OAS2: variants seen among roughly 807,000 people sequenced by gnomAD.
The protein encoded by OAS2 is 2'-5'-oligoadenylate synthetase 2.
A neutral mutation model predicts 71.3 loss-of-function variants in OAS2; 67 were observed. That is an observed-to-expected ratio of 0.94 (90% CI 0.77 to 1.15). The LOEUF is 1.15. Ranked by LOEUF, OAS2 falls within the 50% of genes most tolerant of loss-of-function variation. OAS2 has a pLI of 0.00. For synonymous variants in OAS2, 327 were observed against 321.8 expected (o/e 1.02, Z -0.17); for missense variants, 789 against 822.5 (o/e 0.96, Z 0.50).
chr12:113,001,895 C>T (rs10850111), intron 5 of OAS2, among the ~76,000 whole-genome samples: 34,079 of 139,822 alleles, frequency 0.24, 4,828 homozygotes, highest in African/African-American at 0.38. Flanking sequence ...AAAAGCTAGG[C>T]GTGGTGGCAC....
At chr12:112,998,447 G>T in intron 5 of OAS2, 37 bp downstream of exon 5, 3 of 1,591,402 alleles carry the variant, frequency 1.9e-6, no homozygotes, top group Non-Finnish European at 2.6e-6. Context: ...GTTTCATGCT[G>T]CAGGAAGGTC....
chr12:113,002,698 G>A (rs2044299807), intron 5 of OAS2, among the ~76,000 whole-genome samples: 1 of 152,168 alleles, frequency 6.6e-6, no homozygotes, highest in Non-Finnish European at 1.5e-5. Flanking sequence ...TAGGGGGAAG[G>A]AGGGGCAACT....
At chr12:112,990,469 T>C (rs1288380888) in intron 2 of OAS2, among the ~76,000 whole-genome samples, 3 of 152,204 alleles carry the variant, frequency 2.0e-5, no homozygotes, top group African/African-American at 7.2e-5. Context: ...GTTCTTATTA[T>C]GTAGATGAAG....
rs942344568 is a variant in OAS2 at position 113,009,793 on chromosome 12, A to G, written c.*538A>G. 1.0e-6 allele frequency: 1 copy of G among 986,994 alleles called. No individual in the cohort carries two copies. 61.1% of individuals were successfully genotyped at this position (986,994 alleles called of 1,614,324 possible). ...TACCTGTAACTTGAAGGTGGCTACA[A>G]AGATGACTGTGGACGTGGGTTGCAC... On this transcript the variant is annotated 3_prime_UTR_variant, in exon 10 of 10. Coordinates refer to ENST00000392583, the MANE Select transcript of OAS2 (RefSeq NM_002535.3).
rs1306755051 is a variant in OAS2, at chr12:112,995,485, A to G, written c.627+11A>G. ...CACTGGCATCAACAGGTAATTTTCC[A>G]ACTGTCTATATATGGTTATCATTCA... On this transcript the variant is annotated intron_variant, in intron 3 of 9. Coordinates refer to ENST00000392583, the MANE Select transcript of OAS2 (RefSeq NM_002535.3). 6.2e-7 allele frequency: 1 copy of G among 1,608,302 alleles called. No homozygotes were observed. The highest frequency in any genetic ancestry group is 8.5e-7 in the Non-Finnish European group (1 of 1,176,742).
chr12:112,994,863 A>G (rs991596006), intron 2 of OAS2, among the ~76,000 whole-genome samples: 2 of 152,222 alleles, frequency 1.3e-5, no homozygotes, highest in Non-Finnish European at 2.9e-5. Flanking sequence ...GACATTCTGA[A>G]GTAAAATATT....
At chr12:112,983,388 G>A (rs2044101389) in intron 1 of OAS2, among the ~76,000 whole-genome samples, 1 of 152,042 alleles carries the variant, frequency 6.6e-6, no homozygotes, top group African/African-American at 2.4e-5. Context: ...ACCACGCCCG[G>A]CTAATTTTGT....
Position 112,978,774 on chromosome 12 carries a change from G to A in OAS2, c.166G>A (p.Gly56Arg), listed in dbSNP as rs2044052289. Residue 56 changes from glycine to arginine, a missense_variant, in exon 1 of 10, where the codon GGA becomes AGA. Coordinates refer to ENST00000392583, the MANE Select transcript of OAS2 (RefSeq NM_002535.3). The surrounding 1 kb of genome is among the most constrained non-coding windows in gnomAD (Gnocchi z 4.2). ...ACCCGAACAGTTCCCCCTGGTGCAG[G>A]GAGTGGCCATAGTGAGTCCAGGGCT... The part of the protein sequence containing the change: ...QEPEQFPLVQ[G>R]VAIGGSYGRK... The A allele has an allele frequency of 6.2e-7, 1 of 1,613,480 alleles. No homozygotes were observed. The highest frequency in any genetic ancestry group is 1.3e-5 in the African/African-American group (1 of 74,918).
rs375668362 is a variant in OAS2, at chr12:112,980,876, GT to G, written c.177+2094del. Among the ~76,000 whole-genome samples the G allele has an allele frequency of 1.6e-3, 236 of 152,022 alleles. 3 individuals are homozygous for G. Among genetic ancestry groups the G allele is most frequent in the African/African-American group, 5.1e-3 (210 of 41,498 alleles). On this transcript the variant is annotated intron_variant, in intron 1 of 9. Transcript: ENST00000392583. ...CCCTTTACTCCAAATCCTTGCTAGC[GT>G]TTATTTTTTGTCTTTTTGATAATAG...
chr12:113,010,299 T>A lies in OAS2; in HGVS notation c.*1044T>A. 2 of 1,515,654 alleles carry A rather than the reference T, an allele frequency of 1.3e-6. No homozygotes were observed. The highest frequency in any genetic ancestry group is 8.8e-7 in the Non-Finnish European group (1 of 1,135,224). 93.9% of individuals were successfully genotyped at this position (1,515,654 alleles called of 1,614,324 possible). A position where few individuals can be genotyped will look rare whatever the true frequency, so the allele number is the denominator to read the frequency against. ...CTTCCCAGATACAGGTCCCCCCTTT[T>A]TTCCCCTAACTCTTTTAAGCAATGA... is the stretch of plus-strand genomic sequence containing the variant. On this transcript the variant is annotated 3_prime_UTR_variant, in exon 10 of 10. Transcript: ENST00000392583.
In OAS2 at chr12:113,007,737, G is replaced by T. The variant is rs758249045; in HGVS notation, c.1689G>T (p.Leu563Phe). 400 of 1,614,090 alleles carry T rather than the reference G, an allele frequency of 2.5e-4. 3 individuals carry two copies. The South Asian group carries it at 3.9e-3, about 16-fold the overall frequency. The change falls in exon 9 of 10, where the codon TTG becomes TTT. Residue 563 changes from leucine to phenylalanine, a missense_variant. By Grantham distance (22) the Leu-to-Phe change is conservative. Transcript: ENST00000392583. ...GGAAACTGAAGCCAAAGGGGTCTTT[G>T]CCCCCAAAGTATGCCTTGGAGCTGC... Reference protein sequence around the residue: ...CERKLKPKGSLPPKYALELLT... With the variant: ...CERKLKPKGSFPPKYALELLT...
At chr12:112,988,532 C>A in intron 2 of OAS2, 1 of 822,534 alleles carries the variant, frequency 1.2e-6, no homozygotes, top group Non-Finnish European at 1.5e-6. Context: ...TCTGTTTACA[C>A]ATCCTTTTAG....
chr12:112,983,851 G>T (rs1351423680), intron 1 of OAS2, among the ~76,000 whole-genome samples: 1 of 152,168 alleles, frequency 6.6e-6, no homozygotes, highest in Non-Finnish European at 1.5e-5. Context: ...TTAAAAATTT[G>T]TTGAGCCTTG....
At chr12:112,988,726 G>A (rs2044163596) in intron 2 of OAS2, 7 of 985,314 alleles carry the variant, frequency 7.1e-6, no homozygotes, top group Non-Finnish European at 8.4e-6. Context: ...ACAAAGAATG[G>A]CGCATTCCTC....
intron 2 of OAS2, among the ~76,000 whole-genome samples, chr12:112,993,989 T>C (rs780453015): frequency 3.3e-5 from 5 of 152,004 alleles, no homozygotes; most frequent in Admixed American, 6.5e-5. Flanking sequence ...TTTTGTTTTT[T>C]AATGAACATA....
Position 112,998,360 on chromosome 12 carries a change from A to G in OAS2, c.958A>G (p.Thr320Ala). 1 of 1,610,158 alleles carries G rather than the reference A, an allele frequency of 6.2e-7. No individual in the cohort carries two copies. The highest frequency in any genetic ancestry group is 1.1e-5 in the South Asian group (1 of 90,062). ...GAAAAAAGAAGCTCAAACCTGGTTG[A>G]CTTCTCCCAACCTGGATAATGAGTT... ...WLKKEAQTWL[T>A]SPNLDNELPA... is the part of the protein sequence containing the mutation. Residue 320 changes from threonine to alanine, a missense_variant, in exon 5 of 10, where the codon ACT becomes GCT. Physicochemically the swap from Thr to Ala is moderately conservative, Grantham distance 58 (BLOSUM62 0). Coordinates refer to ENST00000392583, the MANE Select transcript of OAS2 (RefSeq NM_002535.3).
intron 3 of OAS2, among the ~76,000 whole-genome samples, chr12:112,995,819 A>G (rs2044228560): frequency 6.6e-6 from 1 of 152,106 alleles, no homozygotes. Flanking sequence ...ACTCATTCAT[A>G]TGGTTGCAGG....
intron 5 of OAS2, among the ~76,000 whole-genome samples, chr12:113,000,835 A>G (rs537566329): frequency 6.6e-6 from 1 of 152,354 alleles, no homozygotes; most frequent in Non-Finnish European, 1.5e-5. Flanking sequence ...TTCCTTCAAT[A>G]GGCACCGTCC....
chr12:113,002,890 T>TA, intron 5 of OAS2, 42 bp from the exon 6 acceptor site: 1 of 1,599,180 alleles, frequency 6.3e-7, no homozygotes, highest in South Asian at 1.1e-5. Context: ...TGGGTGGGCT[T>TA]ACAGGTGCCA....
Sources: allele counts gnomAD v4.1 joint callset (sites outside exome capture counted in the v4.1 genomes callset), GRCh38; gene constraint gnomAD v4.1.1; non-coding constraint Gnocchi (gnomAD v3.1); transcripts MANE v1.5; gene names NCBI Gene and HGNC (gene_info 2026-07-23, HGNC 2026-07-21).